Variants in MMP16 observed in about 807,000 individuals in gnomAD.
MMP16 encodes the protein matrix metalloproteinase-16.
A neutral mutation model predicts 67.8 loss-of-function variants in MMP16; 12 were observed. The observed-to-expected ratio is 0.18, with a 90% confidence interval of 0.11 to 0.29. The LOEUF (loss-of-function observed/expected upper bound fraction) is 0.29. MMP16 is among the 10% of genes least tolerant of loss of function. The pLI is 1.00. For missense variants in MMP16, 475 were observed against 765.7 expected (o/e 0.62, Z 4.48); for synonymous variants, 249 against 255.9 (o/e 0.97, Z 0.26).
chr8:88,168,011 T>C (rs745928172), intron 3 of MMP16, 38 bp from the exon 4 acceptor site: 12 of 1,494,218 alleles, frequency 8.0e-6, no homozygotes, highest in Non-Finnish European at 1.1e-5. Context: ...TATTGTTATG[T>C]ATAAGCTAAC....
chr8:88,184,539 G>A (rs1809035290), intron 3 of MMP16, among the ~76,000 whole-genome samples: 1 of 108,470 alleles, frequency 9.2e-6, no homozygotes, highest in African/African-American at 3.6e-5. Flanking sequence ...GACCAGCCTG[G>A]GCAAATGGTA....
At chr8:88,168,437 G>T (rs538672916) in intron 3 of MMP16, among the ~76,000 whole-genome samples, 1 of 152,066 alleles carries the variant, frequency 6.6e-6, no homozygotes, top group African/African-American at 2.4e-5. Flanking sequence ...CAGATATATA[G>T]TTATTTCTTA....
At chr8:88,125,537 C>T (rs756049068) in intron 4 of MMP16, among the ~76,000 whole-genome samples, 109 of 151,984 alleles carry the variant, frequency 7.2e-4, no homozygotes, top group Admixed American at 1.1e-3. Flanking sequence ...AAACAACCTA[C>T]GTATACGTTA....
intron 6 of MMP16, among the ~76,000 whole-genome samples, chr8:88,084,939 C>T (rs1808809606): frequency 6.6e-6 from 1 of 151,860 alleles, no homozygotes; most frequent in South Asian, 2.1e-4. Flanking sequence ...AAGGCTGCAA[C>T]CAACATCTTT....
chr8:88,119,987 A>C (rs1807791545), intron 4 of MMP16, among the ~76,000 whole-genome samples: 1 of 152,034 alleles, frequency 6.6e-6, no homozygotes, highest in South Asian at 2.1e-4. Context: ...AGCCAGGCGA[A>C]AAACCAACAT....
chr8:88,099,354 A>G (rs562510123), intron 6 of MMP16, among the ~76,000 whole-genome samples: 1 of 151,952 alleles, frequency 6.6e-6, no homozygotes, highest in Admixed American at 6.6e-5. Flanking sequence ...GGTTTTTAAG[A>G]CAGCTGAAGT....
At chr8:88,133,748 T>C (rs1808072114) in intron 4 of MMP16, among the ~76,000 whole-genome samples, 1 of 151,818 alleles carries the variant, frequency 6.6e-6, no homozygotes, top group African/African-American at 2.4e-5. Context: ...TGACAGACAT[T>C]ATTAAAATTT....
intron 1 of MMP16, among the ~76,000 whole-genome samples, chr8:88,269,832 T>C (rs1032624375): frequency 4.6e-5 from 7 of 152,174 alleles, no homozygotes; most frequent in Non-Finnish European, 7.4e-5. Context: ...GTTTTTGTGG[T>C]AGAATTTCAA....
chr8:88,059,964 GAA>G (rs1808376585), intron 7 of MMP16, among the ~76,000 whole-genome samples: 1 of 149,990 alleles, frequency 6.7e-6, no homozygotes, highest in South Asian at 2.1e-4. Context: ...GACTGAAAGA[GAA>G]AAGAGAATGA....
At chr8:88,196,868 G>C (rs1301487498) in intron 2 of MMP16, among the ~76,000 whole-genome samples, 1 of 152,048 alleles carries the variant, frequency 6.6e-6, no homozygotes. Context: ...GTTGCTCATG[G>C]TCACTCTTTT....
intron 4 of MMP16, among the ~76,000 whole-genome samples, chr8:88,123,403 C>T (rs1048590865): frequency 1.5e-4 from 22 of 151,464 alleles, no homozygotes; most frequent in African/African-American, 5.3e-4. Flanking sequence ...ATTTTCTTGT[C>T]TCCTGTGTTT....
At chr8:88,114,987 A>C (rs574777691) in intron 6 of MMP16, among the ~76,000 whole-genome samples, 2 of 152,126 alleles carry the variant, frequency 1.3e-5, no homozygotes, top group East Asian at 3.9e-4. Flanking sequence ...CAATGTGCAG[A>C]GCAAAGAGGC....
intron 4 of MMP16, among the ~76,000 whole-genome samples, chr8:88,149,566 C>T (rs1170755925): frequency 6.6e-6 from 1 of 152,110 alleles, no homozygotes; most frequent in Non-Finnish European, 1.5e-5. Flanking sequence ...GACCCCCGAG[C>T]AGCCTAACTG....
chr8:88,042,142 A>G (rs28988878), intron 9 of MMP16, among the ~76,000 whole-genome samples: 1,749 of 152,314 alleles, frequency 0.011, 34 homozygotes, highest in African/African-American at 0.04. Context: ...ACAAAATTAC[A>G]TATTAGTGTG....
At chr8:88,172,211 T>A (rs1294454295) in intron 3 of MMP16, among the ~76,000 whole-genome samples, 2 of 152,196 alleles carry the variant, frequency 1.3e-5, no homozygotes, top group African/African-American at 2.4e-5. Context: ...ATTTTTTTTA[T>A]GAAAGTTCAG....
At chr8:88,288,923 C>A (rs1002971999) in intron 1 of MMP16, among the ~76,000 whole-genome samples, 2 of 152,120 alleles carry the variant, frequency 1.3e-5, no homozygotes, top group African/African-American at 4.8e-5. Flanking sequence ...AAAAAAGCAG[C>A]AAGACAAATT....
chr8:88,260,842 T>C (rs937464445), intron 1 of MMP16, among the ~76,000 whole-genome samples: 4 of 152,302 alleles, frequency 2.6e-5, no homozygotes, highest in South Asian at 2.1e-4. Flanking sequence ...CCTTTAACCA[T>C]TGACCACCAG....
At chr8:88,170,228 G>A (rs1025395762) in intron 3 of MMP16, among the ~76,000 whole-genome samples, 3 of 152,176 alleles carry the variant, frequency 2.0e-5, no homozygotes, top group Non-Finnish European at 4.4e-5. Context: ...ATTCATGCCT[G>A]CTCAGGGAGA....
At chr8:88,139,273 G>A (rs557526971) in intron 4 of MMP16, among the ~76,000 whole-genome samples, 44 of 151,992 alleles carry the variant, frequency 2.9e-4, no homozygotes, top group African/African-American at 1.0e-3. Flanking sequence ...TGAATTTAGG[G>A]TCCTTAAAAT....
Sources: gnomAD v4.1 joint callset for allele counts (sites outside exome capture counted in the v4.1 genomes callset) on GRCh38, gnomAD v4.1.1 for gene constraint, MANE v1.5 for transcripts, NCBI Gene and HGNC (gene_info 2026-07-23, HGNC 2026-07-21) for gene names.